The following CDH7 variants were observed in gnomAD, a reference collection of about 807,000 sequenced individuals.
CDH7 encodes the protein cadherin 7, also known as cadherin-7.
CDH7 carries 25 observed loss-of-function variants against 71.8 expected under a neutral mutation model. The observed-to-expected ratio is 0.35, with a 90% CI of 0.25 to 0.49. The LOEUF (loss-of-function observed/expected upper bound fraction) is 0.49. Ranked by LOEUF, CDH7 falls within the 20% of genes least tolerant of loss-of-function variation. CDH7 has a pLI of 0.99. For synonymous variants in CDH7, 381 were observed against 363.8 expected (o/e 1.05, Z -0.54); for missense variants, 862 against 974.6 (o/e 0.88, Z 1.54).
At chr18:65,757,481 T>G (rs919465383) in intron 1 of CDH7, among the ~76,000 whole-genome samples, 1 of 152,186 alleles carries the variant, frequency 6.6e-6, no homozygotes, top group Non-Finnish European at 1.5e-5. Flanking sequence ...CAGTACTACT[T>G]GTGATTTTCA....
intron 7 of CDH7, among the ~76,000 whole-genome samples, chr18:65,856,382 T>G (rs990141396): frequency 6.6e-6 from 1 of 152,132 alleles, no homozygotes; most frequent in African/African-American, 2.4e-5. Context: ...TGGTAAGAGA[T>G]GTGAGGAAAT....
At chr18:65,757,004 C>T (rs572476552) in intron 1 of CDH7, among the ~76,000 whole-genome samples, 1 of 149,564 alleles carries the variant, frequency 6.7e-6, no homozygotes, top group African/African-American at 2.5e-5. Flanking sequence ...GGAAGACTCG[C>T]AATTTTGCTG....
At chr18:65,849,389 CT>C (rs1180373306) in intron 7 of CDH7, among the ~76,000 whole-genome samples, 139 of 113,446 alleles carry the variant, frequency 1.2e-3, no homozygotes, top group African/African-American at 5.2e-3. Flanking sequence ...CTTTTCTTTT[CT>C]TTTCTTTTCT....
intron 11 of CDH7, among the ~76,000 whole-genome samples, chr18:65,878,337 C>T (rs780509463): frequency 1.3e-5 from 2 of 152,192 alleles, no homozygotes; most frequent in Non-Finnish European, 2.9e-5. Context: ...TCAGTCCACA[C>T]TGTGAAGATT....
intron 7 of CDH7, among the ~76,000 whole-genome samples, chr18:65,853,848 G>T (rs907621267): frequency 2.9e-5 from 4 of 139,774 alleles, no homozygotes; most frequent in African/African-American, 1.1e-4. Flanking sequence ...AAGAGTAATT[G>T]CCAAATGCAT....
chr18:65,790,012 G>A (rs1910654298), intron 2 of CDH7, among the ~76,000 whole-genome samples: 1 of 151,496 alleles, frequency 6.6e-6, no homozygotes, highest in Non-Finnish European at 1.5e-5. Flanking sequence ...GACGGATCAC[G>A]AGGTCAGAAG....
intron 1 of CDH7, among the ~76,000 whole-genome samples, chr18:65,758,920 A>G (rs1916109099): frequency 6.7e-6 from 1 of 149,586 alleles, no homozygotes; most frequent in African/African-American, 2.5e-5. Flanking sequence ...CTCCTTCTTC[A>G]TCAAGGTTTA....
rs1255900176 is a variant in CDH7, at chr18:65,862,772, C to T, written c.1719C>T (p.Ser573=). ...TGGACAGTGGATCTCCCTCACTTAG[C>T]AGCACCAACACCCTCACCATCCGCG... ...FIVDSGSPSL[S]STNTLTIRVC... Residue 573 remains serine, a synonymous_variant, in exon 11 of 12, where the codon AGC becomes AGT. Coordinates refer to ENST00000397968, the MANE Select transcript of CDH7 (RefSeq NM_004361.5). 2 of 1,614,132 alleles carry T rather than the reference C, an allele frequency of 1.2e-6. No individual in the cohort carries two copies. Among genetic ancestry groups the T allele is most frequent in the South Asian group, 1.1e-5 (1 of 91,080 alleles).
At chr18:65,830,980 TGTTTA>T (rs973995620) in intron 6 of CDH7, among the ~76,000 whole-genome samples, 3 of 152,214 alleles carry the variant, frequency 2.0e-5, no homozygotes, top group African/African-American at 7.2e-5. Context: ...AAAAAATTGC[TGTTTA>T]AAACTCAAAA....
intron 11 of CDH7, chr18:65,863,928 G>C (rs888224175): frequency 2.6e-5 from 4 of 152,172 alleles, no homozygotes; most frequent in African/African-American, 9.7e-5. Context: ...AACAAGAACA[G>C]AGTAAACATT....
chr18:65,782,075 TTTCTTTCC>T (rs1195454002), intron 2 of CDH7, among the ~76,000 whole-genome samples: 4 of 54,396 alleles, frequency 7.4e-5, no homozygotes, highest in African/African-American at 1.8e-4. Flanking sequence ...TCTTTCTTTC[TTTCTTTCC>T]TTCCTTCCTT....
intron 2 of CDH7, among the ~76,000 whole-genome samples, chr18:65,790,152 C>T (rs1394240336): frequency 7.1e-6 from 1 of 140,648 alleles, no homozygotes; most frequent in East Asian, 2.1e-4. Flanking sequence ...ACCCAGGAGG[C>T]AGAGTTTGCA....
At chr18:65,825,255 T>C (rs1179960417) in intron 6 of CDH7, among the ~76,000 whole-genome samples, 1 of 151,916 alleles carries the variant, frequency 6.6e-6, no homozygotes, top group African/African-American at 2.4e-5. Flanking sequence ...AACCAAAATG[T>C]TGAAAACTTG....
At chr18:65,869,814 A>G (rs1306555028) in intron 11 of CDH7, among the ~76,000 whole-genome samples, 1 of 152,100 alleles carries the variant, frequency 6.6e-6, no homozygotes. Flanking sequence ...AACATTCTAT[A>G]CATGCATGCT....
rs61611288 is a variant in CDH7 at position 65,766,885 on chromosome 18, TAAAAAAAAAAAAAAAAAAAAAAAAA to T, written c.210+3846_210+3870del. 7.6e-3 allele frequency among the ~76,000 whole-genome samples: 676 copies of T among 88,632 alleles called. 12 individuals are homozygous for T. The highest frequency in any genetic ancestry group is 0.02 in the African/African-American group (648 of 31,846). 58.1% of individuals were successfully genotyped at this position (88,632 alleles called of 152,430 possible). A position where few individuals can be genotyped will look rare whatever the true frequency, so the allele number is the denominator to read the frequency against. On this transcript the variant is annotated intron_variant, in intron 2 of 11. Coordinates refer to ENST00000397968, the MANE Select transcript of CDH7 (RefSeq NM_004361.5). ...CTTAACGTCCTGTAACTGTCTGACG[TAAAAAAAAAAAAAAAAAAAAAAAAA>T]AAAAAAAAAAAAGTCTACAAAACCA...
At position 65,882,472 on chromosome 18, in the gene CDH7, T is replaced by C. The variant is rs1337194028; in HGVS notation, c.*1578T>C. ...TAGAGAATCATGTTCTAAAAGTGCT[T>C]TTTGAAAGGTAGACAGTGGAATTAG... On this transcript the variant is annotated 3_prime_UTR_variant, in exon 12 of 12. Coordinates refer to ENST00000397968, the MANE Select transcript of CDH7 (RefSeq NM_004361.5). The C allele has an allele frequency of 6.6e-6, 1 of 152,108 alleles. No individual in the cohort carries two copies. Among genetic ancestry groups the C allele is most frequent in the Non-Finnish European group, 1.5e-5 (1 of 67,972 alleles). The allele number at this position is 152,108 out of a possible 1,614,324, so 9.4% of individuals were successfully genotyped here. A position where few individuals can be genotyped will look rare whatever the true frequency, so the allele number is the denominator to read the frequency against.
At position 65,774,239 on chromosome 18, in the gene CDH7, C is replaced by A. The variant is rs561132611; in HGVS notation, c.210+11187C>A. ...ATGATCATCTCTTGAGGAAAACAAT[C>A]TAAGAAAAAATAGGATTTGAGACTC... On this transcript the variant is annotated intron_variant, in intron 2 of 11. Coordinates refer to ENST00000397968, the MANE Select transcript of CDH7 (RefSeq NM_004361.5). Among the ~76,000 whole-genome samples the A allele has an allele frequency of 4.6e-5, 7 of 151,704 alleles. No homozygotes were observed. In the South Asian group the frequency reaches 1.5e-3, roughly 32 times the overall value.
chr18:65,788,536 TTA>T (rs1173031647), intron 2 of CDH7, among the ~76,000 whole-genome samples: 2 of 152,160 alleles, frequency 1.3e-5, no homozygotes, highest in African/African-American at 4.8e-5. Flanking sequence ...GCAGGTATGT[TTA>T]TAGATAATCA....
rs1458360596 is a variant in CDH7 at position 65,885,230 on chromosome 18, TG to T, written c.*4338del. ...ATGGGAGATGTTTAAGGCTGTGATT[TG>T]GCCGACATTGTAACGTATAATTCTG... On this transcript the variant is annotated 3_prime_UTR_variant, in exon 12 of 12. Transcript: ENST00000397968. 2 of 152,012 alleles carry T rather than the reference TG, an allele frequency of 1.3e-5. No homozygotes were observed. Among genetic ancestry groups the T allele is most frequent in the Non-Finnish European group, 2.9e-5 (2 of 67,998 alleles). The allele number at this position is 152,012 out of a possible 1,614,324, so 9.4% of individuals were successfully genotyped here. A position where few individuals can be genotyped will look rare whatever the true frequency, so the allele number is the denominator to read the frequency against.
Sources: allele counts gnomAD v4.1 joint callset (sites outside exome capture counted in the v4.1 genomes callset), GRCh38; gene constraint gnomAD v4.1.1; transcripts MANE v1.5; gene names NCBI Gene and HGNC (gene_info 2026-07-23, HGNC 2026-07-21).